CREBBP: variants seen among roughly 807,000 people sequenced by gnomAD.
The protein encoded by CREBBP is CREB binding lysine acetyltransferase.
In CREBBP, 19 loss-of-function variants were observed where a neutral mutation model predicts 265.0. The ratio of observed to expected loss-of-function variants is 0.07; its 90% CI spans 0.05 to 0.11. The LOEUF (loss-of-function observed/expected upper bound fraction) is 0.11. CREBBP is among the 10% of genes least tolerant of loss of function. CREBBP has a pLI of 1.00. For synonymous variants in CREBBP, 1,457 were observed against 1,223.7 expected, an observed-to-expected ratio of 1.19 and a Z score of -3.98; for missense variants, 2,525 against 3,219.0, an observed-to-expected ratio of 0.78 and a Z score of 5.22.
chr16:3,751,578 G>C, intron 20 of CREBBP, 148 bp downstream of exon 20: 1 of 763,798 alleles, frequency 1.3e-6, no homozygotes, highest in Admixed American at 2.1e-5. Context: ...GTGACAGAAT[G>C]AGAACCTGTC....
At chr16:3,844,126 C>A (rs568462557) in intron 2 of CREBBP, among the ~76,000 whole-genome samples, 5 of 116,464 alleles carry the variant, frequency 4.3e-5, no homozygotes, top group African/African-American at 1.0e-4. Flanking sequence ...CCAGCCTGGG[C>A]GACAGAGCGA....
chr16:3,837,387 G>A (rs781613840), intron 2 of CREBBP, among the ~76,000 whole-genome samples: 9 of 152,132 alleles, frequency 5.9e-5, no homozygotes, highest in Non-Finnish European at 8.8e-5. Flanking sequence ...AGGCCGAGGC[G>A]GGCAGACTGC....
At chr16:3,780,241 C>CAAA (rs559038927) in intron 8 of CREBBP, among the ~76,000 whole-genome samples, 11 of 53,636 alleles carry the variant, frequency 2.1e-4, no homozygotes, top group South Asian at 6.9e-4. Flanking sequence ...GACTCTGTCT[C>CAAA]AAAAAAAAAA....
In CREBBP at chr16:3,783,046, T is replaced by C. The variant is rs186088597; in HGVS notation, c.1331-120A>G. ...TTCATCAAAATACTACACATGAATA[T>C]CATAAAGCAGTAAACAAGCCTAGGG... On this transcript the variant is annotated intron_variant, in intron 5 of 30. Transcript: ENST00000262367. The C allele has an allele frequency of 6.9e-5, 90 of 1,312,690 alleles. 1 individual carries two copies. The Admixed American group carries it at 1.6e-3, about 24-fold the overall frequency. The allele number at this position is 1,312,690 out of a possible 1,614,324, so 81.3% of individuals were successfully genotyped here.
chr16:3,749,551 A>AACCC (rs1284162924), intron 21 of CREBBP, 76 bp downstream of exon 21: 3 of 969,462 alleles, frequency 3.1e-6, no homozygotes, highest in Non-Finnish European at 4.9e-6. Flanking sequence ...TTTTACCCAC[A>AACCC]ACCCACTCCA....
intron 28 of CREBBP, among the ~76,000 whole-genome samples, chr16:3,733,323 C>CT (rs1815669367): frequency 6.8e-6 from 1 of 147,974 alleles, no homozygotes; most frequent in South Asian, 2.2e-4. Flanking sequence ...GATGGCGCCA[C>CT]TGCACTCCAG....
chr16:3,777,353 T>C (rs539182968), intron 11 of CREBBP, among the ~76,000 whole-genome samples: 1 of 151,236 alleles, frequency 6.6e-6, no homozygotes, highest in African/African-American at 2.4e-5. Flanking sequence ...AAAAATAAAA[T>C]AAAATAAAAT....
Position 3,739,695 on chromosome 16 carries a change from G to A in CREBBP, c.4163C>T (p.Ser1388Phe), listed in dbSNP as rs761058155. 1 of 1,614,230 alleles carries A rather than the reference G, an allele frequency of 6.2e-7. No individual in the cohort carries two copies. The highest frequency in any genetic ancestry group is 1.1e-5 in the South Asian group (1 of 91,088). Residue 1388 changes from serine (S) to phenylalanine (F), a missense_variant, in exon 25 of 31, where the codon TCT becomes TTT. By Grantham distance (155) the Ser-to-Phe change is radical. This residue lies in a region of CREBBP where 252 missense variants were observed against 452.5 expected (regional missense o/e 0.56). Coordinates refer to ENST00000262367, the MANE Select transcript of CREBBP (RefSeq NM_004380.3). ...RFVDSGEMSESFPYRTKALFA... is the reference protein window; with the variant it reads ...RFVDSGEMSEFFPYRTKALFA... ...CAGAGCTTTGGTTCGATATGGGAAA[G>A]ATTCAGACATTTCCCCAGAATCCAC...
At chr16:3,878,026 C>G (rs2055439571) in intron 1 of CREBBP, among the ~76,000 whole-genome samples, 1 of 152,202 alleles carries the variant, frequency 6.6e-6, no homozygotes, top group South Asian at 2.1e-4. Flanking sequence ...CCTTTGGGCT[C>G]CATCTTGGAA....
At chr16:3,851,121 G>A (rs2054824812) in intron 1 of CREBBP, 112 bp from the exon 2 acceptor site, 1 of 862,206 alleles carries the variant, frequency 1.2e-6, no homozygotes. Context: ...ACACTAGCAT[G>A]TCTTAAGAGT....
chr16:3,774,613 T>A lies in CREBBP; in HGVS notation c.2239A>T (p.Met747Leu). The A allele has an allele frequency of 6.2e-7, 1 of 1,614,168 alleles. No individual in the cohort carries two copies. The highest frequency in any genetic ancestry group is 8.5e-7 in the Non-Finnish European group (1 of 1,180,028). The change falls in exon 12 of 31, where the codon ATG (methionine) becomes TTG (leucine). Residue 747 changes from methionine to leucine, a missense_variant. Physicochemically the swap from Met to Leu is conservative, Grantham distance 15. Coordinates refer to ENST00000262367, the MANE Select transcript of CREBBP (RefSeq NM_004380.3). ...CTGTTCATCTGGACAGAGTGGTTCATTGGGGAGGCTGCACGAGGTCCCATG... is the reference window on the plus strand; with the variant it reads ...CTGTTCATCTGGACAGAGTGGTTCAATGGGGAGGCTGCACGAGGTCCCATG... ...APMGPRAASPMNHSVQMNSMG... is the reference protein window; with the variant it reads ...APMGPRAASPLNHSVQMNSMG...
intron 2 of CREBBP, among the ~76,000 whole-genome samples, chr16:3,823,481 A>C (rs771863415): frequency 6.6e-6 from 1 of 152,194 alleles, no homozygotes; most frequent in Non-Finnish European, 1.5e-5. Flanking sequence ...CATTTCAAGG[A>C]GCCTCAGCAC....
At chr16:3,733,488 G>A (rs1354993841) in intron 28 of CREBBP, among the ~76,000 whole-genome samples, 1 of 152,058 alleles carries the variant, frequency 6.6e-6, no homozygotes, top group Non-Finnish European at 1.5e-5. Flanking sequence ...AAATTGGAAC[G>A]AAGTGTAGAC....
chr16:3,763,106 G>C (rs1461435058), intron 16 of CREBBP, among the ~76,000 whole-genome samples: 1 of 151,916 alleles, frequency 6.6e-6, no homozygotes, highest in Non-Finnish European at 1.5e-5. Context: ...TCAAGTTATA[G>C]CACTGCCCTA....
intron 2 of CREBBP, among the ~76,000 whole-genome samples, chr16:3,839,775 G>GGGAA (rs1377840226): frequency 1.4e-5 from 2 of 145,874 alleles, no homozygotes; most frequent in African/African-American, 5.1e-5. Context: ...AGGGAAGGAA[G>GGGAA]GGAAGGAAGG....
At chr16:3,805,988 C>A (rs1192216538) in intron 3 of CREBBP, among the ~76,000 whole-genome samples, 1 of 152,200 alleles carries the variant, frequency 6.6e-6, no homozygotes, top group Non-Finnish European at 1.5e-5. Context: ...AGAGTGACTA[C>A]AAGACACAGA....
At chr16:3,855,437 G>A (rs1283956396) in intron 1 of CREBBP, among the ~76,000 whole-genome samples, 1 of 152,112 alleles carries the variant, frequency 6.6e-6, no homozygotes, top group Non-Finnish European at 1.5e-5. Context: ...GCTAACGTTT[G>A]TATTTTTAGT....
At chr16:3,741,122 G>A (rs1447364600) in intron 23 of CREBBP, 5 of 167,594 alleles carry the variant, frequency 3.0e-5, no homozygotes, top group Admixed American at 2.8e-4. Flanking sequence ...GCCTTGGCGA[G>A]GGCAGCCTTT....
intron 2 of CREBBP, among the ~76,000 whole-genome samples, chr16:3,843,446 G>C (rs1368882446): frequency 7.3e-6 from 1 of 137,588 alleles, no homozygotes; most frequent in Non-Finnish European, 1.5e-5. Context: ...TTTTGAGTCA[G>C]AATCTCACTC....
Sources: allele counts gnomAD v4.1 joint callset (sites outside exome capture counted in the v4.1 genomes callset), GRCh38; gene constraint gnomAD v4.1.1; regional missense constraint gnomAD v4.1.1; transcripts MANE v1.5; gene names NCBI Gene and HGNC (gene_info 2026-07-23, HGNC 2026-07-21).